Variants in AP4M1 observed in about 807,000 individuals in gnomAD.
AP4M1 encodes adaptor related protein complex 4 subunit mu 1, also known as AP-4 complex subunit mu-1.
AP4M1 carries 58 observed loss-of-function variants against 62.4 expected under a neutral mutation model. That is an observed-to-expected ratio of 0.93 (90% CI 0.75 to 1.16). The LOEUF (loss-of-function observed/expected upper bound fraction) is 1.16. Among genes scored for constraint, AP4M1 ranks in the 50% most tolerant of loss-of-function variants. AP4M1 has a pLI of 0.00. For synonymous variants in AP4M1, 290 were observed against 239.7 expected, an observed-to-expected ratio of 1.21 and a Z score of -1.94; for missense variants, 626 against 585.4, an observed-to-expected ratio of 1.07 and a Z score of -0.72.
chr7:100,102,834 A>C (rs1451464558), intron 3 of AP4M1, 30 bp from the exon 4 acceptor site: 1 of 1,613,672 alleles, frequency 6.2e-7, no homozygotes, highest in Non-Finnish European at 8.5e-7. Context: ...TGAGAGGAGG[A>C]GAAAATACAC....
Position 100,106,524 on chromosome 7 carries a change from G to A in AP4M1, c.1137+10G>A. ...CTCAGGCCTTTTCCAGGTATTCGCT[G>A]TGGACCCCCAGCCCCTCTCCTCCCA... On this transcript the variant is annotated intron_variant, in intron 14 of 14. Transcript: ENST00000359593. 1 of 1,611,234 alleles carries A rather than the reference G, an allele frequency of 6.2e-7. No individual in the cohort carries two copies.
rs1796722178 is a variant in AP4M1 at position 100,107,961 on chromosome 7, T to C, written c.*1079T>C. 6.2e-7 allele frequency: 1 copy of C among 1,613,712 alleles called. No individual in the cohort carries two copies. Among genetic ancestry groups the C allele is most frequent in the African/African-American group, 1.3e-5 (1 of 74,974 alleles). ...GATGGGGCGCTGGAGGACGATGACA[T>C]TACAATAAACTTGGTTGGAGGAGGG... On this transcript the variant is annotated 3_prime_UTR_variant, in exon 15 of 15. Coordinates refer to ENST00000359593, the MANE Select transcript of AP4M1 (RefSeq NM_004722.4).
chr7:100,101,309 G>A (rs1383051095), upstream of AP4M1: 1 of 1,613,082 alleles, frequency 6.2e-7, no homozygotes, highest in East Asian at 2.2e-5. Flanking sequence ...GCCGAGGGCC[G>A]TGCGGCCGCG....
intron 4 of AP4M1, 101 bp downstream of exon 4, chr7:100,103,061 CTTTTTTTTTTT>C (rs55764736): frequency 3.8e-6 from 2 of 530,832 alleles, no homozygotes; most frequent in East Asian, 3.6e-5. Context: ...CCAAGTCTAC[CTTTTTTTTTTT>C]TTTTTTTTTT....
Position 100,104,933 on chromosome 7 carries a change from C to CG in AP4M1, c.668dup (p.Ser224LeufsTer2). 6.2e-7 allele frequency: 1 copy of CG among 1,614,134 alleles called. No homozygotes were observed. The highest frequency in any genetic ancestry group is 8.5e-7 in the Non-Finnish European group (1 of 1,180,008). On this transcript the variant is annotated frameshift_variant, in exon 8 of 15. Coordinates refer to ENST00000359593, the MANE Select transcript of AP4M1 (RefSeq NM_004722.4). LOFTEE classifies it high-confidence loss of function. ...TTCGGCTCAAGAGCTTCCTTCCTAG[C>CG]GGCTCTGGTGAGGCATCTGCAGGCA... is the stretch of plus-strand genomic sequence containing the variant.
rs768367793 is a variant in AP4M1 at position 100,106,422 on chromosome 7, A to G, written c.1045A>G (p.Ser349Gly). 1.2e-6 allele frequency: 2 copies of G among 1,613,766 alleles called. No homozygotes were observed. Among genetic ancestry groups the G allele is most frequent in the Admixed American group, 1.7e-5 (1 of 60,006 alleles). Reference sequence around the variant, plus strand: ...CTCCAGCCTGTCTCAGGAGCTGAGCAGCCCAGAGCAGAAGGCTGAGCTGGC... The same window carrying G: ...CTCCAGCCTGTCTCAGGAGCTGAGCGGCCCAGAGCAGAAGGCTGAGCTGGC... ...GVVSLSQELS[S>G]PEQKAELAEG... The change falls in exon 14 of 15, where the codon AGC becomes GGC. Residue 349 changes from serine to glycine, a missense_variant. Coordinates refer to ENST00000359593, the MANE Select transcript of AP4M1 (RefSeq NM_004722.4).
chr7:100,106,605 C>T (rs1170521311), intron 14 of AP4M1, 53 bp from the exon 15 acceptor site: 10 of 1,590,094 alleles, frequency 6.3e-6, no homozygotes, highest in Non-Finnish European at 8.6e-6. Context: ...CTGGTTCCCC[C>T]AGCGTGGTCA....
upstream of AP4M1, chr7:100,101,574 G>A: frequency 5.3e-6 from 5 of 943,688 alleles, no homozygotes; most frequent in South Asian, 1.4e-5. Flanking sequence ...TGCAGGCGCC[G>A]GGTTTCCCGC....
chr7:100,106,297 T>C lies in AP4M1; in HGVS notation c.1025+6T>C, dbSNP rs367603728. On this transcript the variant is annotated splice_donor_region_variant and intron_variant, in intron 13 of 14. Coordinates refer to ENST00000359593, the MANE Select transcript of AP4M1 (RefSeq NM_004722.4). ...CTGCCTCGAGGGGTGGTCAGGTGAGTGTGTGCACCCACCACGGGGAGATTC... is the reference window on the plus strand; with the variant it reads ...CTGCCTCGAGGGGTGGTCAGGTGAGCGTGTGCACCCACCACGGGGAGATTC... 1 of 1,613,674 alleles carries C rather than the reference T, an allele frequency of 6.2e-7. No individual in the cohort carries two copies. Among genetic ancestry groups the C allele is most frequent in the Non-Finnish European group, 8.5e-7 (1 of 1,179,944 alleles).
chr7:100,105,305 G>A lies in AP4M1; in HGVS notation c.793G>A (p.Glu265Lys), dbSNP rs1340564470. ...CAGCTCTGTGAATCTGGACGAATTTGAGTCTCATCGAATCCTCCGCTTGCA... is the reference window on the plus strand; with the variant it reads ...CAGCTCTGTGAATCTGGACGAATTTAAGTCTCATCGAATCCTCCGCTTGCA... ...FHSSVNLDEFESHRILRLQPP... is the reference protein window; with the variant it reads ...FHSSVNLDEFKSHRILRLQPP... Residue 265 changes from glutamate to lysine, a missense_variant, in exon 10 of 15, where the codon GAG becomes AAG. Coordinates refer to ENST00000359593, the MANE Select transcript of AP4M1 (RefSeq NM_004722.4). The A allele has an allele frequency of 6.2e-7, 1 of 1,614,136 alleles. No individual in the cohort carries two copies. Among genetic ancestry groups the A allele is most frequent in the East Asian group, 2.2e-5 (1 of 44,862 alleles).
At position 100,107,903 on chromosome 7, in the gene AP4M1, C is replaced by T; in HGVS notation, c.*1021C>T. 1 of 1,584,868 alleles carries T rather than the reference C, an allele frequency of 6.3e-7. No individual in the cohort carries two copies. The highest frequency in any genetic ancestry group is 8.6e-7 in the Non-Finnish European group (1 of 1,162,700). On this transcript the variant is annotated 3_prime_UTR_variant, in exon 15 of 15. Transcript: ENST00000359593. Reference sequence around the variant, plus strand: ...AGGTAACCCAGGCCCTCCAGATGCTCCCTGTCCCACAGCTCTGCATACCTG... The same window carrying T: ...AGGTAACCCAGGCCCTCCAGATGCTTCCTGTCCCACAGCTCTGCATACCTG...
At chr7:100,105,776 ATC>A (rs1796417312) in intron 11 of AP4M1, among the ~76,000 whole-genome samples, 181 bp from the exon 12 acceptor site, 1 of 134,588 alleles carries the variant, frequency 7.4e-6, no homozygotes, top group African/African-American at 2.8e-5. Context: ...GTGAGACCCC[ATC>A]TCTCTGAAAA....
In AP4M1 at chr7:100,102,006, C is replaced by T. The variant is rs769436643; in HGVS notation, c.147+38C>T. 3.1e-6 allele frequency: 5 copies of T among 1,609,256 alleles called. No homozygotes were observed. The African/African-American group carries it at 5.3e-5, about 17-fold the overall frequency. On this transcript the variant is annotated intron_variant, in intron 2 of 14. Transcript: ENST00000359593. ...GGGAGGCGGGTGAGGAGCGGGGTCC[C>T]GTCGGGCCGGGTGGGCGCCAGCTCC...
At chr7:100,101,283 C>T (rs1215505729), upstream of AP4M1, 3 of 1,613,188 alleles carry the variant, frequency 1.9e-6, no homozygotes, top group African/African-American at 1.3e-5. Flanking sequence ...GCGCGTAGTC[C>T]TTCAGTGCCA....
intron 2 of AP4M1, 56 bp from the exon 3 acceptor site, chr7:100,102,619 C>T: frequency 2.0e-6 from 3 of 1,520,508 alleles, no homozygotes; most frequent in South Asian, 1.1e-5. Context: ...CTCCTGGGTT[C>T]TGATCACTCC....
upstream of AP4M1, chr7:100,100,913 C>G: frequency 9.4e-7 from 1 of 1,061,988 alleles, no homozygotes; most frequent in African/African-American, 1.7e-5. Flanking sequence ...TGCCCAAAAG[C>G]GCGAAGGAAA....
chr7:100,108,469 G>A lies in AP4M1; in HGVS notation c.*1587G>A, dbSNP rs374989021. Reference sequence around the variant, plus strand: ...AGCAGAGGAGGGGCCCAAGGGACCCGAATTCTGCCCGATAGGCGTCCTGAT... The same window carrying A: ...AGCAGAGGAGGGGCCCAAGGGACCCAAATTCTGCCCGATAGGCGTCCTGAT... On this transcript the variant is annotated 3_prime_UTR_variant, in exon 15 of 15. Transcript: ENST00000359593. 38 of 1,613,874 alleles carry A rather than the reference G, an allele frequency of 2.4e-5. No individual in the cohort carries two copies. In the Admixed American group the frequency reaches 2.8e-4, roughly 12 times the overall value.
rs771232411 is a variant in AP4M1 at position 100,101,864 on chromosome 7, T to C, written c.59-16T>C. On this transcript the variant is annotated splice_polypyrimidine_tract_variant and intron_variant, in intron 1 of 14. Transcript: ENST00000359593. ...CTGTGTCGCAGGATCCTTCACTGAG[T>C]CCTTCCACCCGCCAGTCCGCGGGGA... is the stretch of plus-strand genomic sequence containing the variant. The C allele has an allele frequency of 9.3e-6, 15 of 1,612,484 alleles. No individual in the cohort carries two copies. The highest frequency in any genetic ancestry group is 1.3e-5 in the African/African-American group (1 of 74,850).
Position 100,108,164 on chromosome 7 carries a change from T to G in AP4M1, c.*1282T>G. On this transcript the variant is annotated 3_prime_UTR_variant, in exon 15 of 15. Coordinates refer to ENST00000359593, the MANE Select transcript of AP4M1 (RefSeq NM_004722.4). ...GAAAGGGGGAAGTGGCACCATCTAC[T>G]AAGAAGAGGAGTCTGAAGGGAGAGG... 8 of 1,555,622 alleles carry G rather than the reference T, an allele frequency of 5.1e-6. No homozygotes were observed. The highest frequency in any genetic ancestry group is 4.5e-4 in the Middle Eastern group (2 of 4,424).
Sources: allele counts gnomAD v4.1 joint callset (sites outside exome capture counted in the v4.1 genomes callset), GRCh38; gene constraint gnomAD v4.1.1; transcripts MANE v1.5; gene names NCBI Gene and HGNC (gene_info 2026-07-23, HGNC 2026-07-21).